The following SGCZ variants were observed in gnomAD, a reference collection of about 807,000 sequenced individuals.
SGCZ encodes the protein zeta-sarcoglycan.
A neutral mutation model predicts 41.3 loss-of-function variants in SGCZ; 40 were observed. That is an observed-to-expected ratio of 0.97 (90% CI 0.75 to 1.26). The LOEUF (loss-of-function observed/expected upper bound fraction) is 1.26, where lower values mean the gene tolerates loss of function less well. SGCZ is among the 50% of genes most tolerant of loss of function. The pLI, the probability that SGCZ is intolerant of heterozygous loss-of-function variation, is 0.00. For missense variants in SGCZ, 552 were observed against 369.8 expected, an observed-to-expected ratio of 1.49 and a Z score of -4.04; for synonymous variants, 206 against 137.5, an observed-to-expected ratio of 1.50 and a Z score of -3.49.
intron 1 of SGCZ, among the ~76,000 whole-genome samples, chr8:14,907,451 G>C (rs1486878678): frequency 2.0e-5 from 3 of 152,102 alleles, no homozygotes; most frequent in South Asian, 4.1e-4. Flanking sequence ...GCCTCTCAAA[G>C]TGCTAGAATT....
At chr8:15,013,847 G>GT (rs1159309826) in intron 1 of SGCZ, among the ~76,000 whole-genome samples, 1 of 152,210 alleles carries the variant, frequency 6.6e-6, no homozygotes, top group Non-Finnish European at 1.5e-5. Flanking sequence ...AACGAGGCAT[G>GT]TTTGTGGGAA....
chr8:14,433,916 T>C (rs1029699539), intron 2 of SGCZ, among the ~76,000 whole-genome samples: 1 of 152,050 alleles, frequency 6.6e-6, no homozygotes, highest in African/African-American at 2.4e-5. Context: ...TTTCTAAGAG[T>C]TGACATTTTC....
At chr8:14,356,085 G>C (rs1803284135) in intron 2 of SGCZ, among the ~76,000 whole-genome samples, 2 of 152,160 alleles carry the variant, frequency 1.3e-5, no homozygotes, top group Admixed American at 6.5e-5. Flanking sequence ...ACAGCTTCCA[G>C]TCAGCCACAC....
chr8:14,793,565 T>C (rs1009576967), intron 1 of SGCZ, among the ~76,000 whole-genome samples: 4 of 152,168 alleles, frequency 2.6e-5, no homozygotes, highest in Non-Finnish European at 5.9e-5. Flanking sequence ...CTTCCTTAAC[T>C]GGCAGTAGGG....
intron 1 of SGCZ, among the ~76,000 whole-genome samples, chr8:15,151,400 A>T (rs1438418161): frequency 6.6e-6 from 1 of 152,276 alleles, no homozygotes; most frequent in East Asian, 1.9e-4. Flanking sequence ...TTACAAATAC[A>T]TAATCCCTTA....
chr8:14,950,451 T>C lies in SGCZ; in HGVS notation c.39+287134A>G, dbSNP rs951391280. 4.8e-4 allele frequency among the ~76,000 whole-genome samples: 73 copies of C among 152,064 alleles called. 3 individuals are homozygous for C. Among genetic ancestry groups the C allele is most frequent in the African/African-American group, 1.7e-3 (72 of 41,522 alleles). Reference sequence around the variant, plus strand: ...CCCTTCCCTTCTCTTCTGCTCTTCTTCTCTTTCCTTTTATCAGAAGTGTCA... The same window carrying C: ...CCCTTCCCTTCTCTTCTGCTCTTCTCCTCTTTCCTTTTATCAGAAGTGTCA... On this transcript the variant is annotated intron_variant, in intron 1 of 7. Transcript: ENST00000382080.
intron 2 of SGCZ, among the ~76,000 whole-genome samples, chr8:14,431,028 T>C (rs939076937): frequency 1.3e-5 from 2 of 152,166 alleles, no homozygotes; most frequent in African/African-American, 4.8e-5. Flanking sequence ...AAAACACTGC[T>C]GAAAGACATC....
chr8:14,586,590 A>C (rs562328460), intron 1 of SGCZ, among the ~76,000 whole-genome samples: 1 of 152,346 alleles, frequency 6.6e-6, no homozygotes, highest in African/African-American at 2.4e-5. Flanking sequence ...GAAACTACTA[A>C]GAAAAATAAT....
intron 1 of SGCZ, among the ~76,000 whole-genome samples, chr8:14,847,185 A>G (rs894761799): frequency 7.4e-5 from 11 of 148,390 alleles, no homozygotes; most frequent in African/African-American, 2.8e-4. Flanking sequence ...AAGAAGAAGA[A>G]GAGAAAAATA....
At chr8:14,901,768 A>G (rs1175643476) in intron 1 of SGCZ, among the ~76,000 whole-genome samples, 2 of 152,182 alleles carry the variant, frequency 1.3e-5, no homozygotes, top group Non-Finnish European at 2.9e-5. Context: ...ATCAGACTTA[A>G]CAGACTATAC....
chr8:14,424,708 C>T (rs1248433374), intron 2 of SGCZ, among the ~76,000 whole-genome samples: 2 of 152,148 alleles, frequency 1.3e-5, no homozygotes, highest in Non-Finnish European at 2.9e-5. Flanking sequence ...ATATCTGAAT[C>T]ATGTCCAAAT....
intron 2 of SGCZ, among the ~76,000 whole-genome samples, chr8:14,414,632 C>A (rs2117286919): frequency 6.6e-6 from 1 of 152,084 alleles, no homozygotes; most frequent in Non-Finnish European, 1.5e-5. Flanking sequence ...TCACCTCCAA[C>A]CAATGCTATA....
chr8:14,873,833 A>G (rs118158261), intron 1 of SGCZ, among the ~76,000 whole-genome samples: 2,491 of 152,298 alleles, frequency 0.016, 34 homozygotes, highest in Middle Eastern at 0.048. Flanking sequence ...ACCTTTAAAA[A>G]TGGAAATTAA....
At chr8:14,946,569 C>G (rs956645229) in intron 1 of SGCZ, among the ~76,000 whole-genome samples, 1 of 152,064 alleles carries the variant, frequency 6.6e-6, no homozygotes, top group South Asian at 2.1e-4. Context: ...CTCTGCTGAG[C>G]GCCTGGCACA....
chr8:14,941,070 C>T (rs1470477728), intron 1 of SGCZ, among the ~76,000 whole-genome samples: 1 of 151,900 alleles, frequency 6.6e-6, no homozygotes, highest in Non-Finnish European at 1.5e-5. Context: ...ACCATTTTTA[C>T]CTAGCATTAG....
At chr8:14,298,739 T>A (rs1247995166) in intron 3 of SGCZ, among the ~76,000 whole-genome samples, 4 of 152,010 alleles carry the variant, frequency 2.6e-5, no homozygotes, top group African/African-American at 7.2e-5. Flanking sequence ...TGACAAAATA[T>A]CATTACAAAT....
At position 15,237,769 on chromosome 8, in the gene SGCZ, C is replaced by T. The variant is rs1802189204; in HGVS notation, c.-146G>A. 4.4e-6 allele frequency: 3 copies of T among 674,958 alleles called. No homozygotes were observed. Among genetic ancestry groups the T allele is most frequent in the Non-Finnish European group, 7.8e-6 (3 of 384,642 alleles). 41.8% of individuals were successfully genotyped at this position (674,958 alleles called of 1,614,324 possible). On this transcript the variant is annotated 5_prime_UTR_variant, in exon 1 of 8. Transcript: ENST00000382080. ...GTCTCATTCTCCGTGGTCACGCCGC[C>T]TCCACCGGGTTAAAAATAAGGAAAA... is the stretch of plus-strand genomic sequence containing the variant.
intron 1 of SGCZ, among the ~76,000 whole-genome samples, chr8:14,720,226 A>G (rs530858151): frequency 6.6e-6 from 1 of 152,062 alleles, no homozygotes; most frequent in African/African-American, 2.4e-5. Flanking sequence ...TTAAAATAAA[A>G]GGTGATCACA....
chr8:14,309,881 GC>G (rs1179920304), intron 3 of SGCZ, among the ~76,000 whole-genome samples: 1 of 150,948 alleles, frequency 6.6e-6, no homozygotes, highest in Non-Finnish European at 1.5e-5. Flanking sequence ...TAGAGTTTCT[GC>G]TATCCCAATC....
Sources: gnomAD v4.1 joint callset for allele counts (sites outside exome capture counted in the v4.1 genomes callset) on GRCh38, gnomAD v4.1.1 for gene constraint, MANE v1.5 for transcripts, NCBI Gene and HGNC (gene_info 2026-07-23, HGNC 2026-07-21) for gene names.